The following GRID2 variants were observed in gnomAD, a reference collection of about 807,000 sequenced individuals.
The protein encoded by GRID2 is glutamate ionotropic receptor delta type subunit 2, also known as glutamate receptor ionotropic, delta-2.
In GRID2, 33 loss-of-function variants were observed where a neutral mutation model predicts 114.8. That is an observed-to-expected ratio of 0.29 (90% CI 0.22 to 0.38). The LOEUF (loss-of-function observed/expected upper bound fraction) is 0.38, where lower values mean the gene tolerates loss of function less well. GRID2 is among the 10% of genes least tolerant of loss of function. The pLI is 1.00. For synonymous variants in GRID2, 505 were observed against 449.9 expected, an observed-to-expected ratio of 1.12 and a Z score of -1.55; for missense variants, 1,184 against 1,257.7, an observed-to-expected ratio of 0.94 and a Z score of 0.89.
At chr4:92,972,565 A>G (rs181082265) in intron 2 of GRID2, among the ~76,000 whole-genome samples, 15 of 151,946 alleles carry the variant, frequency 9.9e-5, no homozygotes, top group Admixed American at 3.3e-4. Flanking sequence ...TAAAGATCTT[A>G]TTTATCTCAG....
intron 1 of GRID2, among the ~76,000 whole-genome samples, chr4:92,442,415 G>A (rs575779432): frequency 9.0e-4 from 137 of 152,098 alleles, no homozygotes; most frequent in African/African-American, 2.6e-3. Flanking sequence ...CCAGATTTCC[G>A]GCAAGTGTAG....
chr4:92,894,142 T>A (rs1405434129), intron 2 of GRID2, among the ~76,000 whole-genome samples: 1 of 152,174 alleles, frequency 6.6e-6, no homozygotes, highest in African/African-American at 2.4e-5. Context: ...TACATTATAT[T>A]TTTGTCCACA....
intron 13 of GRID2, among the ~76,000 whole-genome samples, chr4:93,621,846 A>G (rs1742239867): frequency 6.6e-6 from 1 of 152,196 alleles, no homozygotes. Flanking sequence ...TTAAAAATCC[A>G]TTCATAATTC....
chr4:93,521,612 A>G (rs1560710297), intron 13 of GRID2, among the ~76,000 whole-genome samples: 1 of 152,120 alleles, frequency 6.6e-6, no homozygotes, highest in Non-Finnish European at 1.5e-5. Context: ...GTAGAGTAGA[A>G]GAAGAGATTA....
At chr4:92,996,584 T>A (rs1263779846) in intron 2 of GRID2, among the ~76,000 whole-genome samples, 3 of 152,166 alleles carry the variant, frequency 2.0e-5, no homozygotes, top group Non-Finnish European at 2.9e-5. Context: ...AGGAGATTGA[T>A]GTGCTGAAAA....
At chr4:93,075,877 A>ACC in intron 2 of GRID2, among the ~76,000 whole-genome samples, 1 of 119,566 alleles carries the variant, frequency 8.4e-6, no homozygotes, top group African/African-American at 3.3e-5. Context: ...TGTCGAAGTT[A>ACC]CCTCTCTTTT....
intron 13 of GRID2, among the ~76,000 whole-genome samples, chr4:93,537,078 G>A (rs1426810729): frequency 6.6e-6 from 1 of 151,038 alleles, no homozygotes; most frequent in Admixed American, 6.6e-5. Flanking sequence ...TACTTTTTTG[G>A]TTGTATCTCT....
rs1340817186 is a variant in GRID2, at chr4:93,188,151, GC to G, written c.736-19250del. 3.3e-5 allele frequency among the ~76,000 whole-genome samples: 5 copies of G among 152,332 alleles called. No individual in the cohort carries two copies. In the East Asian group the frequency reaches 9.7e-4, roughly 29 times the overall value. On this transcript the variant is annotated intron_variant, in intron 4 of 15. Transcript: ENST00000282020. Reference sequence around the variant, plus strand: ...CACCCCCAGAGCTTCACCAGACATTGCCCTAATGGGATCCCTCTGTGGTGGC... The same window carrying G: ...CACCCCCAGAGCTTCACCAGACATTGCCTAATGGGATCCCTCTGTGGTGGC...
At chr4:92,921,873 C>G (rs1000907336) in intron 2 of GRID2, among the ~76,000 whole-genome samples, 53 of 152,208 alleles carry the variant, frequency 3.5e-4, no homozygotes, top group Non-Finnish European at 5.9e-4. Flanking sequence ...CTCTTCAAAG[C>G]TGTCATACGG....
intron 2 of GRID2, among the ~76,000 whole-genome samples, chr4:93,057,162 C>CTGTG (rs139689521): frequency 0.42 from 61,864 of 147,744 alleles, 12,956 homozygotes; most frequent in Middle Eastern, 0.58. Flanking sequence ...GTATGTGTGT[C>CTGTG]TGTGTGTGTG....
At chr4:92,338,564 A>G (rs184090496) in intron 1 of GRID2, among the ~76,000 whole-genome samples, 21 of 152,250 alleles carry the variant, frequency 1.4e-4, no homozygotes, top group African/African-American at 4.6e-4. Context: ...ATTTGCATAT[A>G]TATAGTATCT....
intron 11 of GRID2, among the ~76,000 whole-genome samples, chr4:93,463,805 T>C (rs10019422): frequency 0.74 from 112,825 of 151,744 alleles, 42,991 homozygotes; most frequent in African/African-American, 0.93. Flanking sequence ...CTGGCTAACA[T>C]GGTGAAACCC....
chr4:92,343,425 T>TG (rs1727610745), intron 1 of GRID2, among the ~76,000 whole-genome samples: 1 of 152,130 alleles, frequency 6.6e-6, no homozygotes, highest in South Asian at 2.1e-4. Flanking sequence ...ACTGACCCCC[T>TG]GTACAGTCAA....
intron 2 of GRID2, among the ~76,000 whole-genome samples, chr4:92,970,971 G>C (rs960049822): frequency 6.6e-6 from 1 of 150,966 alleles, no homozygotes; most frequent in Non-Finnish European, 1.5e-5. Context: ...TATATACATC[G>C]TGCGTGTATG....
intron 14 of GRID2, among the ~76,000 whole-genome samples, chr4:93,629,173 C>T (rs1243890358): frequency 6.7e-6 from 1 of 148,552 alleles, no homozygotes; most frequent in Non-Finnish European, 1.5e-5. Flanking sequence ...CCCTGCAGTG[C>T]TTTACCTATC....
At chr4:92,421,051 GA>G (rs140676960) in intron 1 of GRID2, among the ~76,000 whole-genome samples, 5,184 of 151,992 alleles carry the variant, frequency 0.034, 100 homozygotes, top group South Asian at 0.08. Flanking sequence ...AGGTAAATGA[GA>G]ACAGTTCTTT....
intron 3 of GRID2, among the ~76,000 whole-genome samples, chr4:93,105,150 C>G (rs1009663703): frequency 3.5e-4 from 53 of 152,124 alleles, no homozygotes; most frequent in African/African-American, 7.5e-4. Context: ...TTTTTGATGG[C>G]GTTGTTTGTT....
chr4:92,887,112 T>A (rs1193654829), intron 2 of GRID2, among the ~76,000 whole-genome samples: 4 of 152,218 alleles, frequency 2.6e-5, no homozygotes, highest in Non-Finnish European at 5.9e-5. Flanking sequence ...GGTGTTTTGT[T>A]TTTTTGTTCA....
chr4:93,450,845 ATTATC>A (rs1722622212), intron 10 of GRID2, among the ~76,000 whole-genome samples: 1 of 151,958 alleles, frequency 6.6e-6, no homozygotes, highest in African/African-American at 2.4e-5. Flanking sequence ...TAGATGCCTA[ATTATC>A]TTAGCTATTT....
Sources: allele counts gnomAD v4.1 joint callset (sites outside exome capture counted in the v4.1 genomes callset), GRCh38; gene constraint gnomAD v4.1.1; transcripts MANE v1.5; gene names NCBI Gene and HGNC (gene_info 2026-07-23, HGNC 2026-07-21).